The following CNNM2 variants were observed in gnomAD, a reference collection of about 807,000 sequenced individuals.
CNNM2 encodes metal transporter CNNM2.
In CNNM2, 12 loss-of-function variants were observed where a neutral mutation model predicts 66.9. That is an observed-to-expected ratio of 0.18 (90% confidence interval 0.11 to 0.29). The LOEUF (loss-of-function observed/expected upper bound fraction) is 0.29. Ranked by LOEUF, CNNM2 falls within the 10% of genes least tolerant of loss-of-function variation. CNNM2 has a pLI of 1.00. For missense variants in CNNM2, 705 were observed against 1,167.7 expected, an observed-to-expected ratio of 0.60 and a Z score of 5.77; for synonymous variants, 557 against 501.8, an observed-to-expected ratio of 1.11 and a Z score of -1.47.
At chr10:102,934,701 A>G (rs1283372422) in intron 1 of CNNM2, among the ~76,000 whole-genome samples, 1 of 152,108 alleles carries the variant, frequency 6.6e-6, no homozygotes, top group East Asian at 1.9e-4. Context: ...TTCGTAAACC[A>G]GGTGTTGTGG....
chr10:102,952,892 G>GTGCTAATA (rs1237477918), intron 1 of CNNM2, among the ~76,000 whole-genome samples: 2 of 152,198 alleles, frequency 1.3e-5, no homozygotes, highest in African/African-American at 4.8e-5. Flanking sequence ...CATATAGGGT[G>GTGCTAATA]TGCTAATAAG....
intron 1 of CNNM2, among the ~76,000 whole-genome samples, chr10:102,944,547 C>T (rs1452880270): frequency 6.6e-6 from 1 of 150,882 alleles, no homozygotes; most frequent in Non-Finnish European, 1.5e-5. Flanking sequence ...CTACATTCAC[C>T]AGTTGTTAAT....
At chr10:103,066,797 A>C (rs536861619) in intron 4 of CNNM2, among the ~76,000 whole-genome samples, 117 of 152,114 alleles carry the variant, frequency 7.7e-4, no homozygotes, top group Non-Finnish European at 1.5e-3. Context: ...TCCCTGCTGC[A>C]TGGTCAGCCC....
At chr10:102,950,734 A>G (rs2134190858) in intron 1 of CNNM2, among the ~76,000 whole-genome samples, 1 of 152,236 alleles carries the variant, frequency 6.6e-6, no homozygotes, top group East Asian at 1.9e-4. Context: ...AGCCTGGACA[A>G]CGTGAGACCC....
chr10:103,031,151 G>A (rs555590695), intron 1 of CNNM2, among the ~76,000 whole-genome samples: 1 of 152,300 alleles, frequency 6.6e-6, no homozygotes, highest in African/African-American at 2.4e-5. Context: ...GTGCTCAGAT[G>A]TGTGGGCTGC....
intron 4 of CNNM2, among the ~76,000 whole-genome samples, chr10:103,063,750 G>T (rs1050139170): frequency 6.6e-6 from 1 of 152,118 alleles, no homozygotes; most frequent in African/African-American, 2.4e-5. Context: ...GGGAATTCTT[G>T]GAATTCATCA....
At chr10:103,058,629 C>T (rs895793480) in intron 4 of CNNM2, among the ~76,000 whole-genome samples, 3 of 152,142 alleles carry the variant, frequency 2.0e-5, no homozygotes, top group African/African-American at 7.2e-5. Context: ...TGTATATTTA[C>T]CTGTATTTGT....
At chr10:102,948,492 ATTTG>A (rs969385647) in intron 1 of CNNM2, among the ~76,000 whole-genome samples, 1 of 152,106 alleles carries the variant, frequency 6.6e-6, no homozygotes, top group African/African-American at 2.4e-5. Flanking sequence ...AACACAAATA[ATTTG>A]TGTGTGTGCA....
Position 103,076,968 on chromosome 10 carries a change from C to T in CNNM2, c.2419-3C>T, listed in dbSNP as rs923964592. Reference sequence around the variant, plus strand: ...TGTTTTCTGTGCCATCTTCTGGCCCCAGATCTCAAGACAGCAATACCAAAA... The same window carrying T: ...TGTTTTCTGTGCCATCTTCTGGCCCTAGATCTCAAGACAGCAATACCAAAA... On this transcript the variant is annotated splice_polypyrimidine_tract_variant and splice_region_variant and intron_variant, in intron 7 of 7. Transcript: ENST00000369878. 1 of 1,613,402 alleles carries T rather than the reference C, an allele frequency of 6.2e-7. No homozygotes were observed. Among genetic ancestry groups the T allele is most frequent in the Non-Finnish European group, 8.5e-7 (1 of 1,179,714 alleles).
chr10:103,061,020 C>T (rs774303160), intron 4 of CNNM2, among the ~76,000 whole-genome samples: 5 of 152,048 alleles, frequency 3.3e-5, no homozygotes, highest in African/African-American at 2.4e-5. Context: ...TTATTCCTTA[C>T]GTACTTAAAA....
intron 1 of CNNM2, among the ~76,000 whole-genome samples, chr10:102,944,945 A>G (rs1846556615): frequency 6.6e-6 from 1 of 150,958 alleles, no homozygotes; most frequent in Non-Finnish European, 1.5e-5. Flanking sequence ...TCATAATTAG[A>G]AGCAGGGTTA....
rs2064340855 is a variant in CNNM2, at chr10:103,011,452, C to CA, written c.1622-38249dup. ...TGGGCAACAGAGCAAGACTCCATCTCAAAAAATAAAAGCATTCCATGGCCA... is the reference window on the plus strand; with the variant it reads ...TGGGCAACAGAGCAAGACTCCATCTCAAAAAAATAAAAGCATTCCATGGCCA... On this transcript the variant is annotated intron_variant, in intron 1 of 7. Coordinates refer to ENST00000369878, the MANE Select transcript of CNNM2 (RefSeq NM_017649.5). 2.7e-5 allele frequency among the ~76,000 whole-genome samples: 3 copies of CA among 110,956 alleles called. No homozygotes were observed. The South Asian group carries it at 9.4e-4, about 35-fold the overall frequency. 72.8% of individuals were successfully genotyped at this position (110,956 alleles called of 152,430 possible).
At chr10:102,938,473 A>G (rs1020742509) in intron 1 of CNNM2, among the ~76,000 whole-genome samples, 9 of 151,292 alleles carry the variant, frequency 5.9e-5, no homozygotes, top group African/African-American at 1.5e-4. Context: ...AGAAAAAATT[A>G]GCTGAGCATG....
rs748779000 is a variant in CNNM2 at position 102,919,239 on chromosome 10, G to C, written c.759G>C (p.Leu253=). 6.2e-7 allele frequency: 1 copy of C among 1,613,494 alleles called. No homozygotes were observed. The highest frequency in any genetic ancestry group is 1.3e-5 in the African/African-American group (1 of 74,952). ...TAGGCGAAGAGAAGAAGTTCCTGCT[G>C]CCCTTCTGGCTGCAGGTGATCTTCA... ...MIVGEEKKFL[L]PFWLQVIFIS... is the part of the protein sequence containing the mutation. The change falls in exon 1 of 8, where the codon CTG becomes CTC. Residue 253 remains leucine (L), a synonymous_variant. Coordinates refer to ENST00000369878, the MANE Select transcript of CNNM2 (RefSeq NM_017649.5).
At chr10:103,028,048 G>A (rs1164531367) in intron 1 of CNNM2, among the ~76,000 whole-genome samples, 3 of 152,098 alleles carry the variant, frequency 2.0e-5, no homozygotes, top group African/African-American at 4.8e-5. Context: ...ACATATTTGA[G>A]CTCTTAAAAT....
rs56964064 is a variant in CNNM2 at position 102,944,967 on chromosome 10, G to GTTTTGTT, written c.1621+24878_1621+24884dup. ...TAGAAGCAGGGTTAAATATGGTTTT[G>GTTTTGTT]TTTTGTTTTTTGTTTTTTTTTTTGG... On this transcript the variant is annotated intron_variant, in intron 1 of 7. Coordinates refer to ENST00000369878, the MANE Select transcript of CNNM2 (RefSeq NM_017649.5). Among the ~76,000 whole-genome samples, 42,520 of 146,922 alleles carry GTTTTGTT rather than the reference G, an allele frequency of 0.29. 6,263 individuals are homozygous for GTTTTGTT. The highest frequency in any genetic ancestry group is 0.35 in the Middle Eastern group (99 of 280).
At chr10:102,975,480 A>AC (rs2063613876) in intron 1 of CNNM2, among the ~76,000 whole-genome samples, 1 of 124,308 alleles carries the variant, frequency 8.0e-6, no homozygotes. Flanking sequence ...AAAAAAAAAA[A>AC]AAAAAAAACA....
chr10:103,012,374 G>A (rs1390801304), intron 1 of CNNM2, among the ~76,000 whole-genome samples: 1 of 152,186 alleles, frequency 6.6e-6, no homozygotes, highest in Non-Finnish European at 1.5e-5. Context: ...GGCTGGGCAT[G>A]GTGGCTCGCG....
At chr10:103,058,183 A>G (rs995208180) in intron 4 of CNNM2, among the ~76,000 whole-genome samples, 2 of 152,196 alleles carry the variant, frequency 1.3e-5, no homozygotes, top group Non-Finnish European at 2.9e-5. Flanking sequence ...TTACTAATTT[A>G]GTACGCTGAT....
Sources: gnomAD v4.1 joint callset for allele counts (sites outside exome capture counted in the v4.1 genomes callset) on GRCh38, gnomAD v4.1.1 for gene constraint, MANE v1.5 for transcripts, NCBI Gene and HGNC (gene_info 2026-07-23, HGNC 2026-07-21) for gene names.